CAP2: variants seen among roughly 807,000 people sequenced by gnomAD.
CAP2 encodes the protein adenylyl cyclase-associated protein 2.
In CAP2, 24 loss-of-function variants were observed where a neutral mutation model predicts 57.7. The ratio of observed to expected loss-of-function variants is 0.42; its 90% confidence interval spans 0.30 to 0.58. The LOEUF (loss-of-function observed/expected upper bound fraction) is 0.58, where lower values mean the gene tolerates loss of function less well. CAP2 is among the 20% of genes least tolerant of loss of function. The probability of loss-of-function intolerance (pLI) is 0.22; values close to 1 mark genes in which losing one functional copy is unlikely to be tolerated. For missense variants in CAP2, 501 were observed against 590.3 expected (o/e 0.85, Z 1.57); for synonymous variants, 194 against 207.2 (o/e 0.94, Z 0.55).
At chr6:17,543,236 C>CAGCCTTTCCAACCACGCTGTAATAAGCAG in intron 11 of CAP2, 93 bp downstream of exon 11, 1 of 1,037,100 alleles carries the variant, frequency 9.6e-7, no homozygotes, top group Non-Finnish European at 1.5e-6. Context: ...CTGTAGTAAG[C>CAGCCTTTCCAACCACGCTGTAATAAGCAG]AGCCTTTCCA....
Position 17,556,405 on chromosome 6 carries a change from C to G in CAP2, c.1397C>G (p.Ser466Cys), listed in dbSNP as rs932813436. Residue 466 changes from serine to cysteine, a missense_variant, in exon 13 of 13, where the codon TCC (serine) becomes TGC (cysteine). Ser to Cys is a moderately radical substitution (Grantham distance 112). Coordinates refer to ENST00000229922, the MANE Select transcript of CAP2 (RefSeq NM_006366.3). ...PEQFKTAWDG[S>C]KLITEPAEIM... is the part of the protein sequence containing the mutation. ...CAGTTCAAGACAGCATGGGATGGATCCAAGTTAATCACTGAACCTGCAGAA... is the reference window on the plus strand; with the variant it reads ...CAGTTCAAGACAGCATGGGATGGATGCAAGTTAATCACTGAACCTGCAGAA... The G allele has an allele frequency of 1.9e-6, 3 of 1,613,886 alleles. No homozygotes were observed. The highest frequency in any genetic ancestry group is 1.7e-6 in the Non-Finnish European group (2 of 1,179,760).
intron 7 of CAP2, among the ~76,000 whole-genome samples, chr6:17,521,939 T>C (rs1202931028): frequency 6.6e-6 from 1 of 151,946 alleles, no homozygotes; most frequent in African/African-American, 2.4e-5. Flanking sequence ...TGAAAACCTG[T>C]CTCTACTAAA....
At chr6:17,523,427 G>A (rs1167548702) in intron 7 of CAP2, among the ~76,000 whole-genome samples, 1 of 152,130 alleles carries the variant, frequency 6.6e-6, no homozygotes. Context: ...GGAGTCAGGA[G>A]GTGAGATTTA....
intron 3 of CAP2, among the ~76,000 whole-genome samples, chr6:17,433,137 G>A (rs1759786054): frequency 6.6e-6 from 1 of 152,066 alleles, no homozygotes; most frequent in Admixed American, 6.6e-5. Context: ...CTGTCACCTT[G>A]GCAGGCACCT....
At chr6:17,551,635 T>C in intron 12 of CAP2, 31 bp downstream of exon 12, 1 of 1,523,408 alleles carries the variant, frequency 6.6e-7, no homozygotes, top group East Asian at 2.3e-5. Context: ...TGTCAAGAAT[T>C]TTTCTGGAGC....
At chr6:17,447,728 C>T (rs1760299568) in intron 3 of CAP2, among the ~76,000 whole-genome samples, 1 of 152,206 alleles carries the variant, frequency 6.6e-6, no homozygotes, top group African/African-American at 2.4e-5. Flanking sequence ...GAACTTCTGA[C>T]CTCAGGTGAT....
chr6:17,483,759 C>T (rs1360194941), intron 4 of CAP2, among the ~76,000 whole-genome samples: 3 of 152,172 alleles, frequency 2.0e-5, no homozygotes, highest in Non-Finnish European at 4.4e-5. Context: ...AGAGATTCCT[C>T]TCCCCGGCGT....
chr6:17,493,291 C>A, intron 4 of CAP2: 1 of 212,304 alleles, frequency 4.7e-6, no homozygotes. Context: ...CCCAAATAAG[C>A]CACTTAAATA....
intron 3 of CAP2, among the ~76,000 whole-genome samples, chr6:17,427,526 G>T (rs1449406206): frequency 6.6e-6 from 1 of 152,006 alleles, no homozygotes; most frequent in African/African-American, 2.4e-5. Context: ...TGGTTAGGAT[G>T]GGGAGAAACT....
chr6:17,539,392 G>C lies in CAP2; in HGVS notation c.760G>C (p.Glu254Gln), dbSNP rs768638271. 6.2e-7 allele frequency: 1 copy of C among 1,614,202 alleles called. No individual in the cohort carries two copies. Among genetic ancestry groups the C allele is most frequent in the Admixed American group, 1.7e-5 (1 of 60,020 alleles). Residue 254 changes from glutamate to glutamine, a missense_variant, in exon 8 of 13, where the codon GAG (glutamate) becomes CAG (glutamine). Transcript: ENST00000229922. ...ACTTTTCGAGAATGAAGGCAAAAAAGAGGAATCTTCTCCTTCACGCTCAGC... is the reference window on the plus strand; with the variant it reads ...ACTTTTCGAGAATGAAGGCAAAAAACAGGAATCTTCTCCTTCACGCTCAGC... ...PPLFENEGKKEESSPSRSALF... is the reference protein window; with the variant it reads ...PPLFENEGKKQESSPSRSALF...
chr6:17,460,928 G>A (rs145850297), intron 3 of CAP2, among the ~76,000 whole-genome samples: 3,996 of 152,184 alleles, frequency 0.026, 40 homozygotes, highest in Middle Eastern at 0.051. Flanking sequence ...CAGGAGGATC[G>A]CTTGAGCACA....
chr6:17,532,854 G>A (rs1227871335), intron 7 of CAP2, among the ~76,000 whole-genome samples: 2 of 151,510 alleles, frequency 1.3e-5, no homozygotes, highest in East Asian at 2.0e-4. Flanking sequence ...ACCTGAGGTC[G>A]GGAGTTCAAG....
intron 12 of CAP2, among the ~76,000 whole-genome samples, chr6:17,556,073 T>C (rs1043550844): frequency 6.6e-6 from 1 of 152,212 alleles, no homozygotes; most frequent in Non-Finnish European, 1.5e-5. Flanking sequence ...TTATAGGAGA[T>C]CTGCTGAGTT....
chr6:17,516,874 A>G (rs1319395017), intron 7 of CAP2, among the ~76,000 whole-genome samples: 3 of 152,146 alleles, frequency 2.0e-5, no homozygotes, highest in African/African-American at 7.2e-5. Flanking sequence ...TTCTTTTTAT[A>G]TTCTACTTCG....
chr6:17,443,358 T>C (rs905473855), intron 3 of CAP2, among the ~76,000 whole-genome samples: 7 of 152,208 alleles, frequency 4.6e-5, no homozygotes, highest in Non-Finnish European at 7.3e-5. Context: ...CCTCTTGCCT[T>C]GACGCCTCTT....
chr6:17,501,013 C>G (rs1428790327), intron 4 of CAP2, among the ~76,000 whole-genome samples: 1 of 152,150 alleles, frequency 6.6e-6, no homozygotes, highest in African/African-American at 2.4e-5. Flanking sequence ...GAACCCAAAC[C>G]TTTTTCAAAA....
intron 8 of CAP2, 32 bp downstream of exon 8, chr6:17,539,490 T>TCAG (rs1197268092): frequency 6.4e-7 from 1 of 1,556,514 alleles, no homozygotes; most frequent in African/African-American, 1.4e-5. Flanking sequence ...TGAAGCTGCC[T>TCAG]CCCTTTCCCT....
At position 17,443,417 on chromosome 6, in the gene CAP2, T is replaced by G. The variant is rs529248019; in HGVS notation, c.222+16727T>G. On this transcript the variant is annotated intron_variant, in intron 3 of 12. Transcript: ENST00000229922. The stretch of plus-strand genomic sequence containing the variant: ...AACTGTGCCCATAATTGGAAATTTG[T>G]TGTTGTTTTCTATCTAGACTTCGAG... 6.6e-5 allele frequency among the ~76,000 whole-genome samples: 10 copies of G among 152,330 alleles called. No homozygotes were observed. The South Asian group carries it at 2.1e-3, about 32-fold the overall frequency.
At position 17,516,747 on chromosome 6, in the gene CAP2, T is replaced by C. The variant is rs997927945; in HGVS notation, c.636+2793T>C. On this transcript the variant is annotated intron_variant, in intron 7 of 12. Coordinates refer to ENST00000229922, the MANE Select transcript of CAP2 (RefSeq NM_006366.3). The stretch of plus-strand genomic sequence containing the variant: ...TCCATGCTGGATGTCCCTGTCAGTA[T>C]AGTAAGCAGGCTTCATGCCAAAGGA... Among the ~76,000 whole-genome samples, 5 of 152,340 alleles carry C rather than the reference T, an allele frequency of 3.3e-5. No individual in the cohort carries two copies. In the Middle Eastern group the frequency reaches 0.017, roughly 518 times the overall value.
Sources: allele counts gnomAD v4.1 joint callset (sites outside exome capture counted in the v4.1 genomes callset), GRCh38; gene constraint gnomAD v4.1.1; transcripts MANE v1.5; gene names NCBI Gene and HGNC (gene_info 2026-07-23, HGNC 2026-07-21).